The following SPAG9 variants were observed in gnomAD, a reference collection of about 807,000 sequenced individuals.
SPAG9 encodes the protein C-Jun-amino-terminal kinase-interacting protein 4.
Under a neutral mutation model 166.5 loss-of-function variants are expected in SPAG9, and 35 were observed. The ratio of observed to expected loss-of-function variants is 0.21; its 90% CI spans 0.16 to 0.28. SPAG9 has a LOEUF of 0.28. Among genes scored for constraint, SPAG9 ranks in the 10% least tolerant of loss-of-function variants. The pLI, the probability that SPAG9 is intolerant of heterozygous loss-of-function variation, is 1.00. For missense variants in SPAG9, 1,235 were observed against 1,603.3 expected (o/e 0.77, Z 3.92); for synonymous variants, 534 against 565.5 (o/e 0.94, Z 0.79).
intron 1 of SPAG9, among the ~76,000 whole-genome samples, chr17:51,104,895 T>C (rs2048902373): frequency 7.2e-6 from 1 of 138,574 alleles, no homozygotes; most frequent in African/African-American, 2.8e-5. Context: ...ATCGCGCCAC[T>C]GCACTCCAGC....
At chr17:51,018,113 G>A (rs1003125093) in intron 8 of SPAG9, among the ~76,000 whole-genome samples, 2 of 152,040 alleles carry the variant, frequency 1.3e-5, no homozygotes, top group African/African-American at 4.8e-5. Context: ...GGAGGCTGAG[G>A]CAGGCGGATC....
At chr17:51,019,651 G>A (rs981827086) in intron 8 of SPAG9, among the ~76,000 whole-genome samples, 7 of 152,062 alleles carry the variant, frequency 4.6e-5, no homozygotes, top group Admixed American at 2.6e-4. Context: ...TTGGGAGTTC[G>A]AGACCAGCCT....
intron 2 of SPAG9, among the ~76,000 whole-genome samples, chr17:51,079,295 G>C (rs1598143150): frequency 6.6e-6 from 1 of 151,950 alleles, no homozygotes; most frequent in South Asian, 2.1e-4. Context: ...CTGGAGTGCA[G>C]TGGCACCATC....
chr17:51,057,496 C>A (rs1345379453), intron 2 of SPAG9, among the ~76,000 whole-genome samples: 1 of 152,178 alleles, frequency 6.6e-6, no homozygotes, highest in Non-Finnish European at 1.5e-5. Context: ...CTAGTATGAA[C>A]TAATATTCTG....
intron 2 of SPAG9, among the ~76,000 whole-genome samples, chr17:51,059,277 G>T (rs9303570): frequency 2.0e-5 from 3 of 151,778 alleles, no homozygotes; most frequent in Admixed American, 2.0e-4. Context: ...GTTCAAACAC[G>T]ATGTGCATCC....
intron 26 of SPAG9, among the ~76,000 whole-genome samples, chr17:50,979,084 A>G (rs1024150501): frequency 2.0e-5 from 3 of 152,050 alleles, no homozygotes; most frequent in Admixed American, 6.6e-5. Flanking sequence ...ATCAAGAACA[A>G]TAAGGGGCCA....
intron 20 of SPAG9, chr17:50,990,204 C>G (rs1005791771): frequency 2.5e-5 from 13 of 519,134 alleles, no homozygotes; most frequent in South Asian, 2.1e-4. Flanking sequence ...ATTTTTTGTA[C>G]TTTTTAGTAC....
chr17:51,017,089 C>G (rs1026633428), intron 8 of SPAG9, among the ~76,000 whole-genome samples: 3 of 152,148 alleles, frequency 2.0e-5, no homozygotes, highest in Non-Finnish European at 1.5e-5. Flanking sequence ...TCATCTACTA[C>G]AGAAAGCCAA....
At chr17:51,119,757 T>C (rs956467883) in intron 1 of SPAG9, among the ~76,000 whole-genome samples, 4 of 152,170 alleles carry the variant, frequency 2.6e-5, no homozygotes, top group African/African-American at 9.6e-5. Flanking sequence ...ATTGTTTATA[T>C]ATTTATTGAG....
chr17:51,001,797 C>G lies in SPAG9; in HGVS notation c.1525G>C (p.Ala509Pro). Residue 509 changes from alanine (A) to proline (P), a missense_variant, in exon 13 of 30, where the codon GCC becomes CCC. This residue lies in a region of SPAG9 where 125 missense variants were observed against 194.0 expected (regional missense o/e 0.64). Transcript: ENST00000262013. Reference sequence around the variant, plus strand: ...TGGTTTCGCTCCATGAGAACACGGGCCATTTCTACTCTAGTAAACCGTTTC... The same window carrying G: ...TGGTTTCGCTCCATGAGAACACGGGGCATTTCTACTCTAGTAAACCGTTTC... ...QRKRFTRVEM[A>P]RVLMERNQYK... is the part of the protein sequence containing the mutation. 1 of 1,613,458 alleles carries G rather than the reference C, an allele frequency of 6.2e-7. No individual in the cohort carries two copies. The highest frequency in any genetic ancestry group is 8.5e-7 in the Non-Finnish European group (1 of 1,179,516).
chr17:51,077,025 G>GCTAT lies in SPAG9; in HGVS notation c.424+2555_424+2558dup, dbSNP rs370909859. Among the ~76,000 whole-genome samples, 817 of 86,786 alleles carry GCTAT rather than the reference G, an allele frequency of 9.4e-3. 19 individuals are homozygous for GCTAT. The highest frequency in any genetic ancestry group is 0.031 in the Middle Eastern group (6 of 194). The allele number at this position is 86,786 out of a possible 152,430, so 56.9% of individuals were successfully genotyped here. ...ATCTAGCTAGCTAGCTAGCTATCTA[G>GCTAT]CTATCTATCTAGCTATCTAGCTATC... is the stretch of plus-strand genomic sequence containing the variant. On this transcript the variant is annotated intron_variant, in intron 2 of 29. Coordinates refer to ENST00000262013, the MANE Select transcript of SPAG9 (RefSeq NM_001130528.3).
intron 15 of SPAG9, among the ~76,000 whole-genome samples, chr17:50,997,159 C>G (rs1034768278): frequency 4.8e-5 from 7 of 145,716 alleles, no homozygotes; most frequent in African/African-American, 1.7e-4. Context: ...AACAAACAAA[C>G]AAAGTGTTAT....
At chr17:51,015,427 G>C (rs1163338522) in intron 8 of SPAG9, among the ~76,000 whole-genome samples, 1 of 152,078 alleles carries the variant, frequency 6.6e-6, no homozygotes, top group African/African-American at 2.4e-5. Flanking sequence ...CCCTAATAAT[G>C]GAAGCCAAGT....
intron 1 of SPAG9, among the ~76,000 whole-genome samples, chr17:51,109,728 T>G (rs997269083): frequency 6.6e-6 from 1 of 152,062 alleles, no homozygotes; most frequent in Non-Finnish European, 1.5e-5. Flanking sequence ...TTTCTTTTCT[T>G]TTTGACAGAG....
chr17:51,009,230 TGAGA>T (rs977546874), intron 9 of SPAG9: 7 of 419,974 alleles, frequency 1.7e-5, no homozygotes, highest in South Asian at 7.1e-5. Context: ...TACTTTAAAA[TGAGA>T]GAGAGGAAAC....
intron 28 of SPAG9, among the ~76,000 whole-genome samples, chr17:50,973,653 T>C (rs1973986473): frequency 6.6e-6 from 1 of 152,202 alleles, no homozygotes; most frequent in South Asian, 2.1e-4. Flanking sequence ...CTAGATATCA[T>C]TGTAAGTCTT....
At chr17:51,030,882 G>A (rs2046359453) in intron 6 of SPAG9, 1 of 150,618 alleles carries the variant, frequency 6.6e-6, no homozygotes, top group African/African-American at 2.4e-5. Flanking sequence ...TATCCCCAGT[G>A]CCCAGCATAT....
chr17:51,116,157 T>C (rs2049282590), intron 1 of SPAG9, among the ~76,000 whole-genome samples: 1 of 152,166 alleles, frequency 6.6e-6, no homozygotes, highest in Admixed American at 6.6e-5. Context: ...GCAATTCTTC[T>C]GCATCAGCCT....
rs760694106 is a variant in SPAG9 at position 51,020,306 on chromosome 17, C to T, written c.992-48G>A. On this transcript the variant is annotated intron_variant, in intron 7 of 29. Coordinates refer to ENST00000262013, the MANE Select transcript of SPAG9 (RefSeq NM_001130528.3). ...TAAACAATACATATATTACACAGTA[C>T]CCCAATATAAAAATCCTGTTGTTTT... 15 of 1,233,972 alleles carry T rather than the reference C, an allele frequency of 1.2e-5. No homozygotes were observed. The African/African-American group carries it at 2.1e-4, about 17-fold the overall frequency. 76.4% of individuals were successfully genotyped at this position (1,233,972 alleles called of 1,614,324 possible).
Sources: allele counts gnomAD v4.1 joint callset (sites outside exome capture counted in the v4.1 genomes callset), GRCh38; gene constraint gnomAD v4.1.1; regional missense constraint gnomAD v4.1.1; transcripts MANE v1.5; gene names NCBI Gene and HGNC (gene_info 2026-07-23, HGNC 2026-07-21).